NFIB: variants seen among roughly 807,000 people sequenced by gnomAD.
NFIB encodes the protein nuclear factor I B.
A neutral mutation model predicts 61.5 loss-of-function variants in NFIB; 11 were observed. The ratio of observed to expected loss-of-function variants is 0.18; its 90% CI spans 0.11 to 0.30. The LOEUF (loss-of-function observed/expected upper bound fraction) is 0.30, where lower values mean the gene tolerates loss of function less well. Among genes scored for constraint, NFIB ranks in the 10% least tolerant of loss-of-function variants. The probability of loss-of-function intolerance (pLI) is 1.00; values close to 1 mark genes in which losing one functional copy is unlikely to be tolerated. For synonymous variants in NFIB, 260 were observed against 216.5 expected, an observed-to-expected ratio of 1.20 and a Z score of -1.76; for missense variants, 471 against 608.9, an observed-to-expected ratio of 0.77 and a Z score of 2.38.
intron 1 of NFIB, among the ~76,000 whole-genome samples, chr9:14,374,707 C>T (rs560233429): frequency 5.3e-5 from 8 of 152,196 alleles, no homozygotes; most frequent in Non-Finnish European, 8.8e-5. Context: ...GTCGGGAGTT[C>T]GAGACCAGCC....
At chr9:14,496,731 C>T in the NFIB span, among the ~76,000 whole-genome samples, 1 of 152,344 alleles carries the variant, frequency 6.6e-6, no homozygotes, top group African/African-American at 2.4e-5. Context: ...AACAGAAACA[C>T]TTAGGACTTC....
At chr9:14,505,525 C>A in the NFIB span, among the ~76,000 whole-genome samples, 2 of 152,202 alleles carry the variant, frequency 1.3e-5, no homozygotes, top group South Asian at 4.1e-4. Context: ...AGGGGTCACC[C>A]CCTGATAACT....
At chr9:14,179,804 T>C in intron 2 of NFIB, 24 bp from the exon 3 acceptor site, 3 of 1,610,800 alleles carry the variant, frequency 1.9e-6, no homozygotes, top group South Asian at 2.2e-5. Flanking sequence ...ACAGAAAATG[T>C]TTTCTTTTTA....
At chr9:14,204,649 C>T (rs1045231991) in intron 2 of NFIB, 17 of 660,434 alleles carry the variant, frequency 2.6e-5, no homozygotes, top group Non-Finnish European at 4.1e-5. Context: ...GAACACCTGT[C>T]CTTCAAGCAG....
At chr9:14,428,328 G>A in the NFIB span, among the ~76,000 whole-genome samples, 1 of 152,172 alleles carries the variant, frequency 6.6e-6, no homozygotes, top group Non-Finnish European at 1.5e-5. Flanking sequence ...TAAGCAAGTA[G>A]TGAGGTGTGT....
the NFIB span, among the ~76,000 whole-genome samples, chr9:14,418,027 C>T: frequency 6.6e-6 from 1 of 152,060 alleles, no homozygotes; most frequent in Admixed American, 6.5e-5. Flanking sequence ...GATCCACCCA[C>T]CTCGGCCTCC....
intron 10 of NFIB, among the ~76,000 whole-genome samples, chr9:14,104,863 C>T (rs1587213881): frequency 6.6e-6 from 1 of 151,836 alleles, no homozygotes; most frequent in South Asian, 2.1e-4. Flanking sequence ...AGGCATAGTA[C>T]ATATTAATTA....
the NFIB span, among the ~76,000 whole-genome samples, chr9:14,506,601 G>A: frequency 6.6e-6 from 1 of 152,170 alleles, no homozygotes; most frequent in African/African-American, 2.4e-5. Context: ...ATGGAGAGAT[G>A]CTGGAAGTAC....
At chr9:14,493,776 C>A in the NFIB span, among the ~76,000 whole-genome samples, 1 of 152,182 alleles carries the variant, frequency 6.6e-6, no homozygotes, top group Non-Finnish European at 1.5e-5. Context: ...TCTTTAATCT[C>A]CATGTGAGGC....
chr9:14,430,250 A>T, the NFIB span, among the ~76,000 whole-genome samples: 11 of 152,208 alleles, frequency 7.2e-5, no homozygotes, highest in African/African-American at 2.7e-4. Flanking sequence ...TTGCTTGAAC[A>T]AACTCTAGTA....
intron 1 of NFIB, chr9:14,361,502 CCACAT>C (rs1318439344): frequency 6.6e-6 from 1 of 152,142 alleles, no homozygotes; most frequent in Admixed American, 6.5e-5. Context: ...AGCAAGCAAA[CCACAT>C]CACATCACAT....
At chr9:14,269,554 CAT>C (rs1277980191) in intron 2 of NFIB, among the ~76,000 whole-genome samples, 2 of 152,288 alleles carry the variant, frequency 1.3e-5, no homozygotes, top group East Asian at 1.9e-4. Flanking sequence ...GGTATTGAGA[CAT>C]ATGTGTTCTT....
intron 2 of NFIB, among the ~76,000 whole-genome samples, chr9:14,212,806 T>G (rs2050454383): frequency 6.6e-6 from 1 of 152,230 alleles, no homozygotes; most frequent in Non-Finnish European, 1.5e-5. Context: ...ATAAGCCACC[T>G]TACGCTAACA....
intron 1 of NFIB, among the ~76,000 whole-genome samples, chr9:14,379,169 C>A (rs913923831): frequency 6.6e-6 from 1 of 152,138 alleles, no homozygotes; most frequent in Non-Finnish European, 1.5e-5. Context: ...TTACTTCACC[C>A]CATATCGTCC....
the NFIB span, among the ~76,000 whole-genome samples, chr9:14,457,540 CA>C: frequency 4.1e-5 from 6 of 146,520 alleles, no homozygotes; most frequent in African/African-American, 1.5e-4. Context: ...GACAGAGACA[CA>C]AAAAACCCTT....
At chr9:14,502,356 T>C in the NFIB span, among the ~76,000 whole-genome samples, 1 of 152,210 alleles carries the variant, frequency 6.6e-6, no homozygotes, top group Non-Finnish European at 1.5e-5. Context: ...GAATTGCAGA[T>C]AAGGGATTGA....
intron 1 of NFIB, among the ~76,000 whole-genome samples, chr9:14,345,708 T>C (rs1246133484): frequency 3.9e-5 from 6 of 152,250 alleles, no homozygotes; most frequent in African/African-American, 1.4e-4. Flanking sequence ...GTTTGGTACT[T>C]AAAAGCCCAG....
the NFIB span, among the ~76,000 whole-genome samples, chr9:14,453,863 A>C: frequency 6.6e-6 from 1 of 151,870 alleles, no homozygotes; most frequent in Non-Finnish European, 1.5e-5. Flanking sequence ...CTGGTGGATC[A>C]CAGGGTCAGG....
the NFIB span, among the ~76,000 whole-genome samples, chr9:14,502,619 C>T: frequency 6.6e-6 from 1 of 152,154 alleles, no homozygotes; most frequent in Admixed American, 6.6e-5. Flanking sequence ...CTTCTCTTTC[C>T]TTTTCCATCA....
Sources: allele counts gnomAD v4.1 joint callset (sites outside exome capture counted in the v4.1 genomes callset), GRCh38; gene constraint gnomAD v4.1.1; transcripts MANE v1.5; gene names NCBI Gene and HGNC (gene_info 2026-07-23, HGNC 2026-07-21).